VGF: variants seen among roughly 807,000 people sequenced by gnomAD.
VGF encodes neurosecretory protein VGF.
VGF carries 13 observed loss-of-function variants against 41.1 expected under a neutral mutation model. The observed-to-expected ratio is 0.32, with a 90% CI of 0.21 to 0.50. The LOEUF is 0.50. Ranked by LOEUF, VGF falls within the 20% of genes least tolerant of loss-of-function variation. The pLI is 0.98. For missense variants in VGF, 920 were observed against 882.1 expected, an observed-to-expected ratio of 1.04 and a Z score of -0.54; for synonymous variants, 473 against 418.3, an observed-to-expected ratio of 1.13 and a Z score of -1.60.
Position 101,163,733 on chromosome 7 carries a change from T to C in VGF, c.1111A>G (p.Arg371Gly). Residue 371 changes from arginine (R) to glycine (G), a missense_variant, in exon 2 of 2, where the codon AGA becomes GGA. Around this residue, in one of 3 missense-constraint regions of VGF, gnomAD observed 654 missense variants for 638.4 expected, o/e 1.02. Coordinates refer to ENST00000249330, the MANE Select transcript of VGF (RefSeq NM_003378.4). The surrounding 1 kb of genome is among the most constrained non-coding windows in gnomAD (Gnocchi z 5.0). ...AREEEEAEQERRGGEERVGEE... is the reference protein window; with the variant it reads ...AREEEEAEQEGRGGEERVGEE... The stretch of plus-strand genomic sequence containing the variant: ...CCCACCCTCTCCTCCCCGCCGCGTC[T>C]CTCCTGCTCCGCCTCCTCCTCCTCC... The C allele has an allele frequency of 6.5e-7, 1 of 1,532,468 alleles. No homozygotes were observed. Among genetic ancestry groups the C allele is most frequent in the Non-Finnish European group, 8.7e-7 (1 of 1,145,248 alleles). 94.9% of individuals were successfully genotyped at this position (1,532,468 alleles called of 1,614,324 possible).
chr7:101,165,551 G>C lies in VGF; in HGVS notation c.-198C>G, dbSNP rs898524135. The stretch of plus-strand genomic sequence containing the variant: ...CGGCGCGGCTCCGGGCGGCTAGCTC[G>C]CTCCGGCTTCAGCACGCTGGACAGC... On this transcript the variant is annotated 5_prime_UTR_variant, in exon 1 of 2. Coordinates refer to ENST00000249330, the MANE Select transcript of VGF (RefSeq NM_003378.4). 1.0e-6 allele frequency: 1 copy of C among 985,448 alleles called. No homozygotes were observed. The highest frequency in any genetic ancestry group is 5.2e-4 in the Middle Eastern group (1 of 1,914). 61.0% of individuals were successfully genotyped at this position (985,448 alleles called of 1,614,324 possible). A position where few individuals can be genotyped will look rare whatever the true frequency, so the allele number is the denominator to read the frequency against.
upstream of VGF, chr7:101,165,671 G>A (rs1797206656): frequency 1.0e-6 from 1 of 985,192 alleles, no homozygotes; most frequent in Admixed American, 6.1e-5. Context: ...GGGGAAGCGG[G>A]CGGCCGCCCG....
rs1797159968 is a variant in VGF, at chr7:101,163,698, A to C, written c.1146T>G (p.Asp382Glu). The C allele has an allele frequency of 1.3e-6, 2 of 1,524,416 alleles. No homozygotes were observed. Among genetic ancestry groups the C allele is most frequent in the Admixed American group, 2.0e-5 (1 of 50,132 alleles). 94.4% of individuals were successfully genotyped at this position (1,524,416 alleles called of 1,614,324 possible). ...RGGEERVGEE[D>E]EEAAEAEAEA... is the part of the protein sequence containing the mutation. ...CTGCCTCCGCCTCGGCCGCCTCCTC[A>C]TCCTCTTCCCCCACCCTCTCCTCCC... The change falls in exon 2 of 2, where the codon GAT becomes GAG. Residue 382 changes from aspartate (D) to glutamate (E), a missense_variant. Coordinates refer to ENST00000249330, the MANE Select transcript of VGF (RefSeq NM_003378.4). This position sits in a 1 kb window ranked among gnomAD's most constrained non-coding sequence, Gnocchi z 5.0.
rs1797192250 is a variant in VGF, at chr7:101,164,817, G to A, written c.27C>T (p.Ser9=). 1.3e-6 allele frequency: 2 copies of A among 1,568,594 alleles called. No individual in the cohort carries two copies. The highest frequency in any genetic ancestry group is 1.7e-6 in the Non-Finnish European group (2 of 1,153,434). ...TGATCAGCAGAAGGCAGAAGAGGGCGGAAGCCGACAATCTGAGGGCTTTCA... is the reference window on the plus strand; with the variant it reads ...TGATCAGCAGAAGGCAGAAGAGGGCAGAAGCCGACAATCTGAGGGCTTTCA... MKALRLSA[S]ALFCLLLING... Residue 9 remains serine, a synonymous_variant, in exon 2 of 2, where the codon TCC becomes TCT. Transcript: ENST00000249330.
upstream of VGF, among the ~76,000 whole-genome samples, chr7:101,166,847 A>G (rs1335125230): frequency 7.3e-6 from 1 of 136,874 alleles, no homozygotes; most frequent in African/African-American, 2.8e-5. Flanking sequence ...CCACTGCAGG[A>G]ATGAAGGGGA....
In VGF at chr7:101,164,790, G is replaced by T; in HGVS notation, c.54C>A (p.Asn18Lys). 6.3e-7 allele frequency: 1 copy of T among 1,599,516 alleles called. No homozygotes were observed. The highest frequency in any genetic ancestry group is 8.5e-7 in the Non-Finnish European group (1 of 1,169,774). Residue 18 changes from asparagine to lysine, a missense_variant, in exon 2 of 2, where the codon AAC becomes AAA. Coordinates refer to ENST00000249330, the MANE Select transcript of VGF (RefSeq NM_003378.4). ...GACCAGGGGGTGCTGCCCCTAACCC[G>T]TTGATCAGCAGAAGGCAGAAGAGGG... ...ASALFCLLLI[N>K]GLGAAPPGRP...
In VGF at chr7:101,163,874, G is replaced by A. The variant is rs1355963052; in HGVS notation, c.970C>T (p.Leu324=). The change falls in exon 2 of 2, where the codon CTG becomes TTG. Residue 324 remains leucine (L), a synonymous_variant. Coordinates refer to ENST00000249330, the MANE Select transcript of VGF (RefSeq NM_003378.4). The surrounding 1 kb of genome is among the most constrained non-coding windows in gnomAD (Gnocchi z 5.0). ...AGCAGGTCCGAGGCGAGGTCGGCCA[G>A]CCGCTCTTCCTGCGCCGCGGCCTGC... The part of the protein sequence containing the change: ...TRQAAAQEER[L]ADLASDLLLQ... 1.3e-6 allele frequency: 2 copies of A among 1,496,176 alleles called. No homozygotes were observed. Among genetic ancestry groups the A allele is most frequent in the Non-Finnish European group, 1.8e-6 (2 of 1,131,100 alleles). 92.7% of individuals were successfully genotyped at this position (1,496,176 alleles called of 1,614,324 possible).
rs1311289763 is a variant in VGF at position 101,163,037 on chromosome 7, G to C, written c.1807C>G (p.Leu603Val). The change falls in exon 2 of 2, where the codon CTG (leucine) becomes GTG (valine). Residue 603 changes from leucine (L) to valine (V), a missense_variant. Leu to Val is a conservative substitution (Grantham distance 32). Coordinates refer to ENST00000249330, the MANE Select transcript of VGF (RefSeq NM_003378.4). The surrounding 1 kb of genome is among the most constrained non-coding windows in gnomAD (Gnocchi z 5.0). Reference sequence around the variant, plus strand: ...AGCACGTGCTCGATGTAATTCTCCAGCTCCTCCTGCTCCTGCAGCCGGCGC... The same window carrying C: ...AGCACGTGCTCGATGTAATTCTCCACCTCCTCCTGCTCCTGCAGCCGGCGC... ...EERRLQEQEELENYIEHVLLR... is the reference protein window; with the variant it reads ...EERRLQEQEEVENYIEHVLLR... 6.4e-7 allele frequency: 1 copy of C among 1,566,534 alleles called. No individual in the cohort carries two copies. The highest frequency in any genetic ancestry group is 1.2e-5 in the South Asian group (1 of 86,054).
Position 101,163,995 on chromosome 7 carries a change from C to T in VGF, c.849G>A (p.Glu283=). ...AAPFPKARRP[E]SALLGGSEAG... ...CCTCGGAGCCGCCCAGGAGTGCGCTCTCCGGCCGGCGCGCCTTGGGGAACG... is the reference window on the plus strand; with the variant it reads ...CCTCGGAGCCGCCCAGGAGTGCGCTTTCCGGCCGGCGCGCCTTGGGGAACG... The change falls in exon 2 of 2, where the codon GAG becomes GAA. Residue 283 remains glutamate (E), a synonymous_variant. Coordinates refer to ENST00000249330, the MANE Select transcript of VGF (RefSeq NM_003378.4). This position sits in a 1 kb window ranked among gnomAD's most constrained non-coding sequence, Gnocchi z 5.0. 6.8e-7 allele frequency: 1 copy of T among 1,470,084 alleles called. No individual in the cohort carries two copies. The highest frequency in any genetic ancestry group is 1.4e-5 in the African/African-American group (1 of 68,986). The allele number at this position is 1,470,084 out of a possible 1,614,324, so 91.1% of individuals were successfully genotyped here. A position where few individuals can be genotyped will look rare whatever the true frequency, so the allele number is the denominator to read the frequency against.
chr7:101,164,500 A>C lies in VGF; in HGVS notation c.344T>G (p.Leu115Arg), dbSNP rs1041727282. 5 of 1,600,866 alleles carry C rather than the reference A, an allele frequency of 3.1e-6. No homozygotes were observed. Among genetic ancestry groups the C allele is most frequent in the Non-Finnish European group, 3.4e-6 (4 of 1,179,138 alleles). The change falls in exon 2 of 2, where the codon CTG (leucine) becomes CGG (arginine). Residue 115 changes from leucine (L) to arginine (R), a missense_variant. Leu to Arg is a moderately radical substitution (Grantham distance 102, BLOSUM62 -2). Around this residue, in one of 3 missense-constraint regions of VGF, gnomAD observed 654 missense variants for 638.4 expected, o/e 1.02. Coordinates refer to ENST00000249330, the MANE Select transcript of VGF (RefSeq NM_003378.4). ...GGTCTGGCTGCGCACGGTCTCGGTC[A>C]GCAGAGCTTCAGCTGCTTCTTCCTC... ...GPEEEAAEAL[L>R]TETVRSQTHS...
chr7:101,164,527 G>A lies in VGF; in HGVS notation c.317C>T (p.Pro106Leu), dbSNP rs1584213018. The A allele has an allele frequency of 6.3e-7, 1 of 1,598,872 alleles. No individual in the cohort carries two copies. Among genetic ancestry groups the A allele is most frequent in the Non-Finnish European group, 8.5e-7 (1 of 1,178,086 alleles). ...PPAPSGSQQG[P>L]EEEAAEALLT... ...CAGAGCTTCAGCTGCTTCTTCCTCC[G>A]GCCCCTGCTGGGAGCCGCTTGGTGC... is the stretch of plus-strand genomic sequence containing the variant. Residue 106 changes from proline to leucine, a missense_variant, in exon 2 of 2, where the codon CCG becomes CTG. Physicochemically the swap from Pro to Leu is moderately conservative, Grantham distance 98. Transcript: ENST00000249330.
chr7:101,164,373 C>T lies in VGF; in HGVS notation c.471G>A (p.Glu157=), dbSNP rs774828122. The change falls in exon 2 of 2, where the codon GAG becomes GAA. Residue 157 remains glutamate, a synonymous_variant. Transcript: ENST00000249330. ...GTTCCTGGAGCAGGGACGCTAGCGCCTCGAGCTCCTCGGAGGGATCGCTCG... is the reference window on the plus strand; with the variant it reads ...GTTCCTGGAGCAGGGACGCTAGCGCTTCGAGCTCCTCGGAGGGATCGCTCG... ...PEASDPSEEL[E]ALASLLQELR... The T allele has an allele frequency of 2.5e-6, 4 of 1,611,810 alleles. No individual in the cohort carries two copies. The highest frequency in any genetic ancestry group is 1.7e-5 in the Admixed American group (1 of 60,032).
rs1797203971 is a variant in VGF at position 101,165,552 on chromosome 7, C to T, written c.-199G>A. On this transcript the variant is annotated 5_prime_UTR_variant, in exon 1 of 2. Transcript: ENST00000249330. ...GGCGCGGCTCCGGGCGGCTAGCTCG[C>T]TCCGGCTTCAGCACGCTGGACAGCG... 2.0e-6 allele frequency: 2 copies of T among 985,446 alleles called. No homozygotes were observed. Among genetic ancestry groups the T allele is most frequent in the African/African-American group, 3.5e-5 (2 of 57,366 alleles). The allele number at this position is 985,446 out of a possible 1,614,324, so 61.0% of individuals were successfully genotyped here.
chr7:101,164,006 G>T lies in VGF; in HGVS notation c.838C>A (p.Arg280Ser), dbSNP rs374906556. The T allele has an allele frequency of 6.1e-6, 9 of 1,472,480 alleles. No homozygotes were observed. The highest frequency in any genetic ancestry group is 1.4e-5 in the South Asian group (1 of 70,244). 91.2% of individuals were successfully genotyped at this position (1,472,480 alleles called of 1,614,324 possible). Reference sequence around the variant, plus strand: ...CCCAGGAGTGCGCTCTCCGGCCGGCGCGCCTTGGGGAACGGGGCGGCCACG... The same window carrying T: ...CCCAGGAGTGCGCTCTCCGGCCGGCTCGCCTTGGGGAACGGGGCGGCCACG... The part of the protein sequence containing the change: ...QGVAAPFPKA[R>S]RPESALLGGS... Residue 280 changes from arginine (R) to serine (S), a missense_variant, in exon 2 of 2, where the codon CGC becomes AGC. Arg to Ser is a moderately radical substitution (Grantham distance 110). Transcript: ENST00000249330.
At position 101,163,304 on chromosome 7, in the gene VGF, C is replaced by CGGGGGCG. The variant is rs1797147085; in HGVS notation, c.1533_1539dup (p.Ala514ArgfsTer173). 1 of 715,514 alleles carries CGGGGGCG rather than the reference C, an allele frequency of 1.4e-6. No individual in the cohort carries two copies. The highest frequency in any genetic ancestry group is 1.8e-6 in the Non-Finnish European group (1 of 565,104). The allele number at this position is 715,514 out of a possible 1,614,324, so 44.3% of individuals were successfully genotyped here. A position where few individuals can be genotyped will look rare whatever the true frequency, so the allele number is the denominator to read the frequency against. ...TCCGGCAGCTCGTCTCGTGCGGGAG[C>CGGGGGCG]GGGGGCGGGGGGCGGGGGCTGCGGG... On this transcript the variant is annotated frameshift_variant, in exon 2 of 2. Transcript: ENST00000249330. LOFTEE classifies it high-confidence loss of function. This position sits in a 1 kb window ranked among gnomAD's most constrained non-coding sequence, Gnocchi z 5.0.
chr7:101,163,831 T>C lies in VGF; in HGVS notation c.1013A>G (p.Gln338Arg). The C allele has an allele frequency of 6.5e-7, 1 of 1,529,540 alleles. No homozygotes were observed. Among genetic ancestry groups the C allele is most frequent in the South Asian group, 1.2e-5 (1 of 83,356 alleles). The allele number at this position is 1,529,540 out of a possible 1,614,324, so 94.7% of individuals were successfully genotyped here. A position where few individuals can be genotyped will look rare whatever the true frequency, so the allele number is the denominator to read the frequency against. The change falls in exon 2 of 2, where the codon CAG becomes CGG. Residue 338 changes from glutamine (Q) to arginine (R), a missense_variant. Coordinates refer to ENST00000249330, the MANE Select transcript of VGF (RefSeq NM_003378.4). This position sits in a 1 kb window ranked among gnomAD's most constrained non-coding sequence, Gnocchi z 5.0. ...GAGGCCGCGCTGCCGGGCCCCGCCC[T>C]GCAGCAAATACTGGAGCAGCAGGTC... is the stretch of plus-strand genomic sequence containing the variant. ...ASDLLLQYLLQGGARQRGLGG... is the reference protein window; with the variant it reads ...ASDLLLQYLLRGGARQRGLGG...
At chr7:101,165,205 G>T in intron 1 of VGF, 169 bp downstream of exon 1, 1 of 1,014,876 alleles carries the variant, frequency 9.9e-7, no homozygotes, top group Non-Finnish European at 1.2e-6. Flanking sequence ...ATGGTGCGTG[G>T]GCGACTTCAG....
upstream of VGF, chr7:101,165,682 G>T (rs1797206909): frequency 2.0e-6 from 2 of 983,824 alleles, no homozygotes; most frequent in Admixed American, 6.1e-5. Context: ...CGGCCGCCCG[G>T]AGGAGGAAGG....
At position 101,164,476 on chromosome 7, in the gene VGF, G is replaced by C. The variant is rs557175283; in HGVS notation, c.368C>G (p.Thr123Ser). Residue 123 changes from threonine (T) to serine (S), a missense_variant, in exon 2 of 2, where the codon ACC (threonine) becomes AGC (serine). Physicochemically the swap from Thr to Ser is moderately conservative, Grantham distance 58 (BLOSUM62 1). Around this residue, in one of 3 missense-constraint regions of VGF, gnomAD observed 654 missense variants for 638.4 expected, o/e 1.02. Transcript: ENST00000249330. Reference sequence around the variant, plus strand: ...GCTCTCCGGCGCCGGGAGGCTGTGGGTCTGGCTGCGCACGGTCTCGGTCAG... The same window carrying C: ...GCTCTCCGGCGCCGGGAGGCTGTGGCTCTGGCTGCGCACGGTCTCGGTCAG... ...ALLTETVRSQ[T>S]HSLPAPESPE... 6 of 1,602,302 alleles carry C rather than the reference G, an allele frequency of 3.7e-6. No homozygotes were observed. The African/African-American group carries it at 6.7e-5, about 18-fold the overall frequency.
Sources: gnomAD v4.1 joint callset for allele counts (sites outside exome capture counted in the v4.1 genomes callset) on GRCh38, gnomAD v4.1.1 for gene constraint, gnomAD v4.1.1 regional missense constraint, Gnocchi (gnomAD v3.1) non-coding constraint, MANE v1.5 for transcripts, NCBI Gene and HGNC (gene_info 2026-07-23, HGNC 2026-07-21) for gene names.